The following MED26 variants were observed in gnomAD, a reference collection of about 807,000 sequenced individuals.
The protein encoded by MED26 is mediator of RNA polymerase II transcription subunit 26.
MED26 carries 7 observed loss-of-function variants against 43.7 expected under a neutral mutation model. That is an observed-to-expected ratio of 0.16 (90% CI 0.09 to 0.30). The LOEUF is 0.30. Among genes scored for constraint, MED26 ranks in the 10% least tolerant of loss-of-function variants. The probability of loss-of-function intolerance (pLI) is 1.00; values close to 1 mark genes in which losing one functional copy is unlikely to be tolerated. For missense variants in MED26, 784 were observed against 840.6 expected (o/e 0.93, Z 0.83); for synonymous variants, 375 against 371.1 (o/e 1.01, Z -0.12).
rs1231881930 is a variant in MED26 at position 16,577,905 on chromosome 19, T to C, written c.148-223A>G. The C allele has an allele frequency of 2.0e-6, 1 of 499,192 alleles. No individual in the cohort carries two copies. The highest frequency in any genetic ancestry group is 2.0e-5 in the African/African-American group (1 of 50,150). 30.9% of individuals were successfully genotyped at this position (499,192 alleles called of 1,614,324 possible). ...GACCTTCAGGGTCCCAGGTGGCTTC[T>C]CAGCAGTGCTGTCACCCAGGCTCCT... On this transcript the variant is annotated intron_variant, in intron 2 of 2. Coordinates refer to ENST00000263390, the MANE Select transcript of MED26 (RefSeq NM_004831.5). This position sits in a 1 kb window ranked among gnomAD's most constrained non-coding sequence, Gnocchi z 8.1.
At chr19:16,600,920 C>A (rs867156999) in intron 1 of MED26, among the ~76,000 whole-genome samples, 1 of 152,120 alleles carries the variant, frequency 6.6e-6, no homozygotes. Context: ...ATGGCAAAAC[C>A]CTGCCTCTAC....
chr19:16,627,786 G>A (rs2086288487), intron 1 of MED26, 86 bp downstream of exon 1: 2 of 1,006,828 alleles, frequency 2.0e-6, no homozygotes, highest in African/African-American at 1.7e-5. Context: ...CGGGTCCCCC[G>A]AAGCCCGGTG....
intron 1 of MED26, among the ~76,000 whole-genome samples, chr19:16,620,080 GA>G (rs1290452098): frequency 4.6e-5 from 7 of 152,098 alleles, no homozygotes; most frequent in Non-Finnish European, 8.8e-5. Context: ...AGAAAGAGAG[GA>G]AAACACACCT....
At chr19:16,603,437 A>G (rs1184104721) in intron 1 of MED26, among the ~76,000 whole-genome samples, 5 of 152,126 alleles carry the variant, frequency 3.3e-5, no homozygotes, top group African/African-American at 1.2e-4. Context: ...CTGTTAAGCC[A>G]TGAGTGCTCA....
chr19:16,597,411 A>G, intron 1 of MED26: 1 of 398,642 alleles, frequency 2.5e-6, no homozygotes, highest in East Asian at 3.6e-5. Flanking sequence ...GCACCTCTTG[A>G]GGCAAGAAGT....
chr19:16,627,272 G>A (rs1381569732), intron 1 of MED26, among the ~76,000 whole-genome samples: 1 of 152,132 alleles, frequency 6.6e-6, no homozygotes, highest in Admixed American at 6.5e-5. Context: ...GAGGGTTTTG[G>A]CAAAGGCGTG....
intron 1 of MED26, among the ~76,000 whole-genome samples, chr19:16,597,136 T>G (rs951592280): frequency 6.6e-6 from 1 of 152,200 alleles, no homozygotes; most frequent in Non-Finnish European, 1.5e-5. Flanking sequence ...GATCCTTCTC[T>G]AGGAACTCTG....
intron 1 of MED26, among the ~76,000 whole-genome samples, chr19:16,582,591 G>A (rs765947346): frequency 6.6e-5 from 10 of 152,322 alleles, no homozygotes; most frequent in Non-Finnish European, 1.0e-4. Flanking sequence ...GTGGCCCTCT[G>A]TGAGTGACAG....
At position 16,587,516 on chromosome 19, in the gene MED26, C is replaced by T. The variant is rs1312053691; in HGVS notation, c.73-9107G>A. 5 of 152,270 alleles carry T rather than the reference C, an allele frequency of 3.3e-5. No homozygotes were observed. The highest frequency in any genetic ancestry group is 5.9e-5 in the Non-Finnish European group (4 of 68,088). The allele number at this position is 152,270 out of a possible 1,614,324, so 9.4% of individuals were successfully genotyped here. On this transcript the variant is annotated intron_variant, in intron 1 of 2. Coordinates refer to ENST00000263390, the MANE Select transcript of MED26 (RefSeq NM_004831.5). The surrounding 1 kb of genome is among the most constrained non-coding windows in gnomAD (Gnocchi z 4.9). The stretch of plus-strand genomic sequence containing the variant: ...CTCTGAGGGGACCTCATGGGAGCCT[C>T]AAACCCCAGGGGCAAAGCCTCAAGT...
rs887343197 is a variant in MED26 at position 16,603,412 on chromosome 19, T to A, written c.72+24460A>T. On this transcript the variant is annotated intron_variant, in intron 1 of 2. Coordinates refer to ENST00000263390, the MANE Select transcript of MED26 (RefSeq NM_004831.5). ...TGTGCAATGGGAAGCATGGAAACCA[T>A]CACCTCTAGGGCCACTGTTAAGCCA... 3.3e-5 allele frequency among the ~76,000 whole-genome samples: 5 copies of A among 152,068 alleles called. No individual in the cohort carries two copies. In the East Asian group the frequency reaches 9.6e-4, roughly 29 times the overall value.
intron 1 of MED26, among the ~76,000 whole-genome samples, chr19:16,610,082 C>T (rs974744132): frequency 4.0e-5 from 6 of 151,438 alleles, no homozygotes; most frequent in South Asian, 2.1e-4. Flanking sequence ...GGCAACACAG[C>T]GAGACCGTCT....
intron 1 of MED26, among the ~76,000 whole-genome samples, chr19:16,580,276 G>A (rs750915877): frequency 7.2e-5 from 11 of 152,130 alleles, no homozygotes; most frequent in Non-Finnish European, 1.3e-4. Flanking sequence ...TAGGCTCTAG[G>A]GCTCAGAAAT....
Position 16,576,592 on chromosome 19 carries a change from G to A in MED26, c.1238C>T (p.Ala413Val), listed in dbSNP as rs776736460. ...TTTTAACCGGACAGGCTTGACGCCC[G>A]CCTCAGCCACCTGCCCGTCCAAGTT... ...TVNLDGQVAE[A>V]GVKPVRLKER... The change falls in exon 3 of 3, where the codon GCG (alanine) becomes GTG (valine). Residue 413 changes from alanine (A) to valine (V), a missense_variant. Physicochemically the swap from Ala to Val is moderately conservative, Grantham distance 64. Around this residue, in one of 3 missense-constraint regions of MED26, gnomAD observed 719 missense variants for 730.9 expected, o/e 0.98. Coordinates refer to ENST00000263390, the MANE Select transcript of MED26 (RefSeq NM_004831.5). This position sits in a 1 kb window ranked among gnomAD's most constrained non-coding sequence, Gnocchi z 6.8. The A allele has an allele frequency of 1.4e-5, 23 of 1,614,088 alleles. No homozygotes were observed. Among genetic ancestry groups the A allele is most frequent in the African/African-American group, 2.7e-5 (2 of 74,928 alleles).
chr19:16,599,667 A>G (rs2122418173), intron 1 of MED26, among the ~76,000 whole-genome samples: 1 of 152,170 alleles, frequency 6.6e-6, no homozygotes, highest in East Asian at 2.0e-4. Context: ...TCCCTCCAGG[A>G]GCAGCCCAGG....
rs1412325100 is a variant in MED26 at position 16,576,613 on chromosome 19, A to G, written c.1217T>C (p.Leu406Ser). 6.2e-7 allele frequency: 1 copy of G among 1,614,170 alleles called. No individual in the cohort carries two copies. Residue 406 changes from leucine to serine, a missense_variant, in exon 3 of 3, where the codon TTG becomes TCG. Physicochemically the swap from Leu to Ser is moderately radical, Grantham distance 145. Transcript: ENST00000263390. This position sits in a 1 kb window ranked among gnomAD's most constrained non-coding sequence, Gnocchi z 6.8. ...RYRPRDYTVN[L>S]DGQVAEAGVK... ...GCCCGCCTCAGCCACCTGCCCGTCCAAGTTAACCGTATAGTCTCGAGGTCG... is the reference window on the plus strand; with the variant it reads ...GCCCGCCTCAGCCACCTGCCCGTCCGAGTTAACCGTATAGTCTCGAGGTCG...
At chr19:16,600,454 C>G (rs141449014) in intron 1 of MED26, among the ~76,000 whole-genome samples, 4 of 152,342 alleles carry the variant, frequency 2.6e-5, no homozygotes, top group South Asian at 4.1e-4. Flanking sequence ...CAGCAATCCC[C>G]CTATCCAACT....
chr19:16,590,233 C>T (rs2086089624), intron 1 of MED26, among the ~76,000 whole-genome samples: 1 of 152,220 alleles, frequency 6.6e-6, no homozygotes. Context: ...ATGGTCTCCC[C>T]TGAGACCACA....
chr19:16,577,516 T>C lies in MED26; in HGVS notation c.314A>G (p.Asn105Ser), dbSNP rs576745640. 7 of 1,602,200 alleles carry C rather than the reference T, an allele frequency of 4.4e-6. No homozygotes were observed. The highest frequency in any genetic ancestry group is 2.2e-5 in the East Asian group (1 of 44,586). Reference sequence around the variant, plus strand: ...CGGCCGGCAGTTGTGTGCGCCCCCGTTGGCAGAGCCGGTGGCCCCCGCCAG... The same window carrying C: ...CGGCCGGCAGTTGTGTGCGCCCCCGCTGGCAGAGCCGGTGGCCCCCGCCAG... The part of the protein sequence containing the change: ...RGLAGATGSA[N>S]GGAHNCRPEV... Residue 105 changes from asparagine (N) to serine (S), a missense_variant, in exon 3 of 3, where the codon AAC (asparagine) becomes AGC (serine). Around this residue, in one of 3 missense-constraint regions of MED26, gnomAD observed 719 missense variants for 730.9 expected, o/e 0.98. Transcript: ENST00000263390. The surrounding 1 kb of genome is among the most constrained non-coding windows in gnomAD (Gnocchi z 8.1).
chr19:16,596,622 C>G (rs1473935774), intron 1 of MED26, among the ~76,000 whole-genome samples: 1 of 152,218 alleles, frequency 6.6e-6, no homozygotes, highest in Non-Finnish European at 1.5e-5. Flanking sequence ...CCTTCAGGAA[C>G]ATGCTGGCAC....
Sources: gnomAD v4.1 joint callset for allele counts (sites outside exome capture counted in the v4.1 genomes callset) on GRCh38, gnomAD v4.1.1 for gene constraint, gnomAD v4.1.1 regional missense constraint, Gnocchi (gnomAD v3.1) non-coding constraint, MANE v1.5 for transcripts, NCBI Gene and HGNC (gene_info 2026-07-23, HGNC 2026-07-21) for gene names.